The following NKAIN1 variants were observed in gnomAD, a reference collection of about 807,000 sequenced individuals.
NKAIN1 encodes the protein sodium/potassium-transporting ATPase subunit beta-1-interacting protein 1.
A neutral mutation model predicts 31.6 loss-of-function variants in NKAIN1; 13 were observed. That is an observed-to-expected ratio of 0.41 (90% confidence interval 0.27 to 0.65). The LOEUF (loss-of-function observed/expected upper bound fraction) is 0.65, where lower values mean the gene tolerates loss of function less well. Ranked by LOEUF, NKAIN1 falls within the 30% of genes least tolerant of loss-of-function variation. NKAIN1 has a pLI of 0.30. For missense variants in NKAIN1, 193 were observed against 262.2 expected, an observed-to-expected ratio of 0.74 and a Z score of 1.82; for synonymous variants, 104 against 109.0, an observed-to-expected ratio of 0.95 and a Z score of 0.28.
intron 1 of NKAIN1, among the ~76,000 whole-genome samples, chr1:31,229,059 C>T (rs1053358426): frequency 1.3e-5 from 2 of 152,160 alleles, no homozygotes. Context: ...GAAGGCCAGG[C>T]CCAACTCAAA....
At chr1:31,196,566 A>C (rs1645329438) in intron 1 of NKAIN1, among the ~76,000 whole-genome samples, 2 of 151,066 alleles carry the variant, frequency 1.3e-5, no homozygotes, top group South Asian at 4.2e-4. Flanking sequence ...GGGCAACTGT[A>C]ATTCCAGCTA....
At chr1:31,235,653 TAAAC>T (rs981864067) in intron 1 of NKAIN1, among the ~76,000 whole-genome samples, 6 of 151,846 alleles carry the variant, frequency 4.0e-5, no homozygotes, top group African/African-American at 1.5e-4. Flanking sequence ...AAACAATAAA[TAAAC>T]AAAACATGCC....
intron 1 of NKAIN1, chr1:31,188,391 G>A: frequency 1.7e-6 from 1 of 586,922 alleles, no homozygotes; most frequent in Non-Finnish European, 3.0e-6. Context: ...AAGGTGATAG[G>A]AGTGAGGGTT....
chr1:31,210,831 A>G (rs1031461160), intron 1 of NKAIN1, among the ~76,000 whole-genome samples: 1 of 152,246 alleles, frequency 6.6e-6, no homozygotes, highest in Admixed American at 6.5e-5. Flanking sequence ...GCTGGGCTCC[A>G]TCAGCTGTTG....
At chr1:31,188,838 C>T (rs1056293464) in intron 1 of NKAIN1, among the ~76,000 whole-genome samples, 23 of 152,126 alleles carry the variant, frequency 1.5e-4, no homozygotes, top group Admixed American at 1.2e-3. Context: ...CCTGGTGAAA[C>T]CCCGTCTCAA....
At chr1:31,183,146 C>T (rs557242519) in intron 4 of NKAIN1, among the ~76,000 whole-genome samples, 15 of 152,208 alleles carry the variant, frequency 9.9e-5, no homozygotes, top group Middle Eastern at 3.4e-3. Flanking sequence ...TGAGGCATCA[C>T]GCCCACTGGG....
intron 1 of NKAIN1, among the ~76,000 whole-genome samples, chr1:31,238,662 C>T (rs1281058529): frequency 2.6e-5 from 4 of 152,164 alleles, no homozygotes; most frequent in Non-Finnish European, 1.5e-5. Flanking sequence ...CTCTGGTCCT[C>T]CCTAGGGCAC....
chr1:31,210,615 G>A (rs182804450), intron 1 of NKAIN1, among the ~76,000 whole-genome samples: 16 of 152,250 alleles, frequency 1.1e-4, no homozygotes, highest in Non-Finnish European at 2.1e-4. Context: ...GGCAAAAAAC[G>A]CAATCTCTTT....
chr1:31,234,382 G>A (rs975401140), intron 1 of NKAIN1, among the ~76,000 whole-genome samples: 2 of 152,022 alleles, frequency 1.3e-5, no homozygotes, highest in East Asian at 1.9e-4. Flanking sequence ...TGCTAATAAC[G>A]ACATCAATCA....
At position 31,183,991 on chromosome 1, in the gene NKAIN1, G is replaced by A. The variant is rs777209332; in HGVS notation, c.297C>T (p.Phe99=). The change falls in exon 4 of 7, where the codon TTC becomes TTT. Residue 99 remains phenylalanine, a synonymous_variant. Coordinates refer to ENST00000373736, the MANE Select transcript of NKAIN1 (RefSeq NM_024522.3). The stretch of plus-strand genomic sequence containing the variant: ...ACCAGGAGCGGTGCAGGGATGTGTT[G>A]AAGGTCATGATGAAGTCCCGGTCCT... The part of the protein sequence containing the change: ...LSQDRDFIMT[F]NTSLHRSWWM... 5.0e-6 allele frequency: 8 copies of A among 1,613,950 alleles called. No homozygotes were observed. The highest frequency in any genetic ancestry group is 1.1e-5 in the South Asian group (1 of 91,040).
At chr1:31,224,883 T>C (rs1169317175) in intron 1 of NKAIN1, among the ~76,000 whole-genome samples, 1 of 152,108 alleles carries the variant, frequency 6.6e-6, no homozygotes, top group East Asian at 1.9e-4. Flanking sequence ...AGGGGCAACC[T>C]GAGGGGGGCA....
At chr1:31,234,674 G>T (rs964610638) in intron 1 of NKAIN1, among the ~76,000 whole-genome samples, 3 of 149,822 alleles carry the variant, frequency 2.0e-5, no homozygotes, top group Non-Finnish European at 2.9e-5. Context: ...AACAACCATG[G>T]CAGTGATCTA....
In NKAIN1 at chr1:31,232,414, T is replaced by TGG. The variant is rs1557664424; in HGVS notation, c.54+7079_54+7080insCC. ...CCTACTTCATATATATATATATATA[T>TGG]ATATATATATAGAGAGAGAGAGAGA... On this transcript the variant is annotated intron_variant, in intron 1 of 6. Coordinates refer to ENST00000373736, the MANE Select transcript of NKAIN1 (RefSeq NM_024522.3). Among the ~76,000 whole-genome samples the TGG allele has an allele frequency of 1.1e-3, 37 of 33,868 alleles. 3 individuals carry two copies. Among genetic ancestry groups the TGG allele is most frequent in the African/African-American group, 3.5e-3 (37 of 10,442 alleles). The allele number at this position is 33,868 out of a possible 152,430, so 22.2% of individuals were successfully genotyped here.
intron 1 of NKAIN1, among the ~76,000 whole-genome samples, chr1:31,190,928 A>G (rs1459058664): frequency 6.6e-6 from 1 of 152,162 alleles, no homozygotes; most frequent in Non-Finnish European, 1.5e-5. Flanking sequence ...GGTCTCCATC[A>G]GAGGACGGAG....
At chr1:31,209,700 C>T (rs1179922282) in intron 1 of NKAIN1, among the ~76,000 whole-genome samples, 1 of 151,942 alleles carries the variant, frequency 6.6e-6, no homozygotes, top group Non-Finnish European at 1.5e-5. Flanking sequence ...GCCTGTAGTC[C>T]CAGCTACTCC....
chr1:31,185,150 G>T, intron 3 of NKAIN1, 97 bp downstream of exon 3: 1 of 927,416 alleles, frequency 1.1e-6, no homozygotes. Context: ...AGACTTCTTC[G>T]AGACATGATG....
At chr1:31,197,623 T>C (rs1645341059) in intron 1 of NKAIN1, among the ~76,000 whole-genome samples, 1 of 145,334 alleles carries the variant, frequency 6.9e-6, no homozygotes, top group African/African-American at 2.5e-5. Flanking sequence ...CTCGGCTTGC[T>C]GCAACCTCTA....
chr1:31,224,412 G>A (rs1471116433), intron 1 of NKAIN1, among the ~76,000 whole-genome samples: 2 of 152,172 alleles, frequency 1.3e-5, no homozygotes, highest in African/African-American at 4.8e-5. Context: ...GAATACAGAT[G>A]CTCCTTGATT....
intron 1 of NKAIN1, among the ~76,000 whole-genome samples, chr1:31,213,727 G>T (rs1001615558): frequency 1.3e-5 from 2 of 152,172 alleles, no homozygotes; most frequent in Non-Finnish European, 2.9e-5. Flanking sequence ...GGGTGCAGTG[G>T]CTCACACCTG....
Sources: allele counts gnomAD v4.1 joint callset (sites outside exome capture counted in the v4.1 genomes callset), GRCh38; gene constraint gnomAD v4.1.1; transcripts MANE v1.5; gene names NCBI Gene and HGNC (gene_info 2026-07-23, HGNC 2026-07-21).